ZNFX1: variants seen among roughly 807,000 people sequenced by gnomAD.
ZNFX1 encodes zinc finger NFX1-type containing 1, also known as NFX1-type zinc finger-containing protein 1.
ZNFX1 carries 78 observed loss-of-function variants against 179.8 expected under a neutral mutation model. That is an observed-to-expected ratio of 0.43 (90% CI 0.36 to 0.52). The LOEUF (loss-of-function observed/expected upper bound fraction) is 0.52. Among genes scored for constraint, ZNFX1 ranks in the 20% least tolerant of loss-of-function variants. The probability of loss-of-function intolerance (pLI) is 0.00; values close to 1 mark genes in which losing one functional copy is unlikely to be tolerated. For missense variants in ZNFX1, 1,927 were observed against 2,386.6 expected (o/e 0.81, Z 4.01); for synonymous variants, 848 against 868.5 (o/e 0.98, Z 0.42).
rs1172147176 is a variant in ZNFX1, at chr20:49,249,079, C to A, written c.3945G>T (p.Glu1315Asp). ...ACHPYDSSHKEFQCMKPCQKV... is the reference protein window; with the variant it reads ...ACHPYDSSHKDFQCMKPCQKV... ...TCTGGCATGGCTTCATGCATTGGAA[C>A]TCCTTGTGTGAAGAGTCATAAGGGT... The change falls in exon 14 of 14, where the codon GAG (glutamate) becomes GAT (aspartate). Residue 1315 changes from glutamate (E) to aspartate (D), a missense_variant. By Grantham distance (45) the Glu-to-Asp change is conservative (BLOSUM62 2). Transcript: ENST00000396105. 1.2e-6 allele frequency: 2 copies of A among 1,614,134 alleles called. No homozygotes were observed. The highest frequency in any genetic ancestry group is 2.7e-5 in the African/African-American group (2 of 74,944).
chr20:49,257,358 G>A (rs140323529), intron 8 of ZNFX1, 59 bp downstream of exon 8: 1 of 1,598,662 alleles, frequency 6.3e-7, no homozygotes, highest in Non-Finnish European at 8.5e-7. Context: ...TCAGAAGTGG[G>A]GGAAAACAAG....
intron 9 of ZNFX1, among the ~76,000 whole-genome samples, chr20:49,255,513 T>C (rs1210744906): frequency 6.6e-6 from 1 of 152,148 alleles, no homozygotes; most frequent in East Asian, 1.9e-4. Context: ...TGAGTTTTTA[T>C]ACCCATTTGT....
intron 6 of ZNFX1, 91 bp downstream of exon 6, chr20:49,263,243 C>G: frequency 6.9e-7 from 1 of 1,453,204 alleles, no homozygotes; most frequent in Non-Finnish European, 9.3e-7. Flanking sequence ...GATTATCAAA[C>G]AGGTAAAGTT....
intron 3 of ZNFX1, among the ~76,000 whole-genome samples, chr20:49,267,997 C>T (rs1456095681): frequency 1.3e-5 from 2 of 152,072 alleles, no homozygotes; most frequent in Non-Finnish European, 2.9e-5. Flanking sequence ...CCTCAGCCTC[C>T]CGAGTAGCTG....
At position 49,246,172 on chromosome 20, in the gene ZNFX1, T is replaced by C. The variant is rs1217324757; in HGVS notation, c.*1095A>G. 2 of 152,172 alleles carry C rather than the reference T, an allele frequency of 1.3e-5. No homozygotes were observed. The highest frequency in any genetic ancestry group is 2.4e-5 in the African/African-American group (1 of 41,434). The allele number at this position is 152,172 out of a possible 1,614,324, so 9.4% of individuals were successfully genotyped here. A position where few individuals can be genotyped will look rare whatever the true frequency, so the allele number is the denominator to read the frequency against. ...GGAGTGTTGGGATGAAGGATCACAC[T>C]TGGGATAGGTGCTGCTGGTACCAAA... On this transcript the variant is annotated 3_prime_UTR_variant, in exon 14 of 14. Coordinates refer to ENST00000396105, the MANE Select transcript of ZNFX1 (RefSeq NM_021035.3).
At position 49,246,602 on chromosome 20, in the gene ZNFX1, G is replaced by A. The variant is rs1980677641; in HGVS notation, c.*665C>T. On this transcript the variant is annotated 3_prime_UTR_variant, in exon 14 of 14. Transcript: ENST00000396105. The stretch of plus-strand genomic sequence containing the variant: ...AATTAGAATCGGTCTGCATCAATGA[G>A]CTCATACTCTGTTCCTGGGGAACAA... 1 of 308,018 alleles carries A rather than the reference G, an allele frequency of 3.2e-6. No individual in the cohort carries two copies. The highest frequency in any genetic ancestry group is 6.4e-6 in the Non-Finnish European group (1 of 155,648). The allele number at this position is 308,018 out of a possible 1,614,324, so 19.1% of individuals were successfully genotyped here.
intron 8 of ZNFX1, 22 bp from the exon 9 acceptor site, chr20:49,255,969 A>G (rs754444972): frequency 6.2e-7 from 1 of 1,612,988 alleles, no homozygotes; most frequent in Non-Finnish European, 8.5e-7. Context: ...AATACCAGGC[A>G]GGGTACTGTC....
intron 10 of ZNFX1, among the ~76,000 whole-genome samples, chr20:49,254,215 T>C (rs238216): frequency 0.84 from 127,607 of 151,912 alleles, 54,037 homozygotes; most frequent in African/African-American, 0.92. Flanking sequence ...TTAGTAGAGA[T>C]GAGATTTCAC....
chr20:49,267,476 A>AC (rs1981265594), intron 3 of ZNFX1, among the ~76,000 whole-genome samples: 1 of 94,220 alleles, frequency 1.1e-5, no homozygotes, highest in Non-Finnish European at 2.5e-5. Flanking sequence ...TGTTACATAA[A>AC]GTTTTTTTTT....
intron 1 of ZNFX1, among the ~76,000 whole-genome samples, 186 bp from the exon 2 acceptor site, chr20:49,276,073 T>C (rs545963690): frequency 6.6e-6 from 1 of 152,366 alleles, no homozygotes; most frequent in African/African-American, 2.4e-5. Context: ...ATATAAAATA[T>C]TAAATTCACA....
chr20:49,251,828 C>G (rs1190710678), intron 12 of ZNFX1, among the ~76,000 whole-genome samples: 1 of 143,268 alleles, frequency 7.0e-6, no homozygotes, highest in African/African-American at 2.6e-5. Flanking sequence ...GAGCCCTCAT[C>G]TCTATTTTTC....
At chr20:49,267,718 A>C (rs1444534295) in intron 3 of ZNFX1, among the ~76,000 whole-genome samples, 1 of 152,174 alleles carries the variant, frequency 6.6e-6, no homozygotes, top group African/African-American at 2.4e-5. Flanking sequence ...CGACAAGTAC[A>C]ATGTGGCAGA....
At chr20:49,255,755 AG>A (rs1421961533) in intron 9 of ZNFX1, 52 bp downstream of exon 9, 5 of 1,548,714 alleles carry the variant, frequency 3.2e-6, no homozygotes, top group Non-Finnish European at 4.4e-6. Flanking sequence ...AGAATGTTCT[AG>A]GAACAGAAGA....
chr20:49,257,848 C>CCCA (rs989939337), intron 7 of ZNFX1, among the ~76,000 whole-genome samples, 184 bp from the exon 8 acceptor site: 3 of 150,962 alleles, frequency 2.0e-5, no homozygotes, highest in African/African-American at 7.3e-5. Context: ...ATTACATGCA[C>CCCA]CCACCACCAC....
At chr20:49,276,666 C>CT (rs1482997291) in intron 1 of ZNFX1, among the ~76,000 whole-genome samples, 2 of 152,168 alleles carry the variant, frequency 1.3e-5, no homozygotes, top group Non-Finnish European at 2.9e-5. Flanking sequence ...TGGGCTGGGG[C>CT]TAAGGAAAGA....
intron 3 of ZNFX1, among the ~76,000 whole-genome samples, chr20:49,269,292 T>C (rs187914610): frequency 1.3e-5 from 2 of 152,202 alleles, no homozygotes; most frequent in East Asian, 3.9e-4. Context: ...CACTCATAAG[T>C]GGGAGCTAAA....
In ZNFX1 at chr20:49,271,310, A is replaced by C. The variant is rs753701012; in HGVS notation, c.502T>G (p.Leu168Val). ...TGAGAAAGGAGCTCTTTCAGCCCTA[A>C]ACTTGTGGCAAGTGTGATGACCACC... is the stretch of plus-strand genomic sequence containing the variant. Reference protein sequence around the residue: ...SEVVITLATSLGLKELLSHSS... With the variant: ...SEVVITLATSVGLKELLSHSS... The change falls in exon 3 of 14, where the codon TTA becomes GTA. Residue 168 changes from leucine to valine, a missense_variant. Leu to Val is a conservative substitution (Grantham distance 32, BLOSUM62 1). Transcript: ENST00000396105. 1 of 1,614,160 alleles carries C rather than the reference A, an allele frequency of 6.2e-7. No homozygotes were observed. Among genetic ancestry groups the C allele is most frequent in the Non-Finnish European group, 8.5e-7 (1 of 1,180,034 alleles).
chr20:49,260,445 A>G lies in ZNFX1; in HGVS notation c.2416+18T>C. On this transcript the variant is annotated intron_variant, in intron 7 of 13. Coordinates refer to ENST00000396105, the MANE Select transcript of ZNFX1 (RefSeq NM_021035.3). ...TTCTACGTTAAGATTTGATTCTAGG[A>G]AGACATGCACTTCTTACCTGTATTC... 1 of 1,557,832 alleles carries G rather than the reference A, an allele frequency of 6.4e-7. No individual in the cohort carries two copies.
At position 49,277,376 on chromosome 20, in the gene ZNFX1, G is replaced by A. The variant is rs1207649899; in HGVS notation, c.-49+645C>T. Among the ~76,000 whole-genome samples, 11 of 150,042 alleles carry A rather than the reference G, an allele frequency of 7.3e-5. No individual in the cohort carries two copies. In the East Asian group the frequency reaches 2.2e-3, roughly 30 times the overall value. On this transcript the variant is annotated intron_variant, in intron 1 of 13. Transcript: ENST00000396105. ...GGGGCCTTGGGGAGAGGGTGGTAGCGAGCACCAGGGGGTGCTTGCTGAGGA... is the reference window on the plus strand; with the variant it reads ...GGGGCCTTGGGGAGAGGGTGGTAGCAAGCACCAGGGGGTGCTTGCTGAGGA...
Sources: gnomAD v4.1 joint callset for allele counts (sites outside exome capture counted in the v4.1 genomes callset) on GRCh38, gnomAD v4.1.1 for gene constraint, MANE v1.5 for transcripts, NCBI Gene and HGNC (gene_info 2026-07-23, HGNC 2026-07-21) for gene names.